The following PTPRS variants were observed in gnomAD, a reference collection of about 807,000 sequenced individuals.
PTPRS encodes receptor-type tyrosine-protein phosphatase S.
A neutral mutation model predicts 215.3 loss-of-function variants in PTPRS; 63 were observed. The observed-to-expected ratio is 0.29, with a 90% confidence interval of 0.24 to 0.36. The LOEUF is 0.36. Ranked by LOEUF, PTPRS falls within the 10% of genes least tolerant of loss-of-function variation. The probability of loss-of-function intolerance (pLI) is 1.00; values close to 1 mark genes in which losing one functional copy is unlikely to be tolerated. For synonymous variants in PTPRS, 1,404 were observed against 1,191.4 expected (o/e 1.18, Z -3.68); for missense variants, 2,258 against 2,825.8 (o/e 0.80, Z 4.56).
chr19:5,225,516 AAGTG>A (rs1256503072), intron 17 of PTPRS, among the ~76,000 whole-genome samples: 1 of 149,452 alleles, frequency 6.7e-6, no homozygotes, highest in Non-Finnish European at 1.5e-5. Context: ...GGGGGACAGG[AAGTG>A]AGTGACAAAG....
intron 1 of PTPRS, among the ~76,000 whole-genome samples, chr19:5,300,493 G>A (rs533786350): frequency 2.0e-5 from 3 of 151,822 alleles, no homozygotes; most frequent in African/African-American, 2.4e-5. Context: ...GAAGTGGGGC[G>A]GGTGTGGTGG....
intron 5 of PTPRS, among the ~76,000 whole-genome samples, chr19:5,263,700 C>A (rs2046192931): frequency 6.6e-6 from 1 of 152,246 alleles, no homozygotes; most frequent in Non-Finnish European, 1.5e-5. Flanking sequence ...ACATCCCCAC[C>A]ACGTGTGTCC....
At chr19:5,311,455 C>G (rs1600098536) in intron 1 of PTPRS, among the ~76,000 whole-genome samples, 1 of 152,274 alleles carries the variant, frequency 6.6e-6, no homozygotes, top group Middle Eastern at 3.4e-3. Flanking sequence ...AGTGATGGAG[C>G]TCTAGGCCCC....
chr19:5,254,409 A>T (rs1479801465), intron 9 of PTPRS, among the ~76,000 whole-genome samples: 4 of 136,068 alleles, frequency 2.9e-5, no homozygotes, highest in African/African-American at 5.7e-5. Flanking sequence ...ATCTACACGG[A>T]TATTTTATTG....
intron 30 of PTPRS, among the ~76,000 whole-genome samples, chr19:5,212,815 C>T (rs1010771883): frequency 8.0e-5 from 12 of 150,450 alleles, no homozygotes; most frequent in African/African-American, 2.7e-4. Context: ...TGTACTCCAG[C>T]CTGGGTGACA....
chr19:5,262,365 C>T lies in PTPRS; in HGVS notation c.577+599G>A, dbSNP rs116186049. On this transcript the variant is annotated intron_variant, in intron 6 of 37. Transcript: ENST00000262963. ...ATCCCTTAGCCATTAAAAGGTGTTC[C>T]GCCTCCCACCCTGAGAGAGATGAAG... Among the ~76,000 whole-genome samples, 310 of 152,258 alleles carry T rather than the reference C, an allele frequency of 2.0e-3. 3 individuals carry two copies. The highest frequency in any genetic ancestry group is 7.1e-3 in the African/African-American group (297 of 41,550).
chr19:5,265,278 T>C, intron 4 of PTPRS, 82 bp from the exon 5 acceptor site: 9 of 1,336,874 alleles, frequency 6.7e-6, no homozygotes, highest in Non-Finnish European at 9.3e-6. Flanking sequence ...AGGGACTGCC[T>C]GGCCACGGGT....
Position 5,205,668 on chromosome 19 carries a change from G to A in PTPRS, c.*1106C>T, listed in dbSNP as rs957301114. Among the ~76,000 whole-genome samples, 4 of 152,192 alleles carry A rather than the reference G, an allele frequency of 2.6e-5. No individual in the cohort carries two copies. The highest frequency in any genetic ancestry group is 5.9e-5 in the Non-Finnish European group (4 of 68,032). On this transcript the variant is annotated 3_prime_UTR_variant, in exon 38 of 38. Coordinates refer to ENST00000262963, the MANE Select transcript of PTPRS (RefSeq NM_002850.4). ...GCTTGCTCAGGGTAGGCGGGTAGAGGGGGGCCTGTCCTTCTGGTTTTGCTC... is the reference window on the plus strand; with the variant it reads ...GCTTGCTCAGGGTAGGCGGGTAGAGAGGGGCCTGTCCTTCTGGTTTTGCTC...
chr19:5,239,752 A>G (rs1288162255), intron 12 of PTPRS, among the ~76,000 whole-genome samples: 1 of 152,084 alleles, frequency 6.6e-6, no homozygotes, highest in Non-Finnish European at 1.5e-5. Context: ...AGACAGAGAG[A>G]CAGAAAGAGA....
chr19:5,225,536 G>A (rs2042404278), intron 17 of PTPRS, among the ~76,000 whole-genome samples, 191 bp downstream of exon 17: 1 of 150,326 alleles, frequency 6.7e-6, no homozygotes. Flanking sequence ...CAAAGGAGGA[G>A]GCAGGGGCGG....
intron 1 of PTPRS, among the ~76,000 whole-genome samples, chr19:5,316,296 A>C (rs1600108575): frequency 6.6e-6 from 1 of 152,236 alleles, no homozygotes; most frequent in African/African-American, 2.4e-5. Context: ...AATGTAAGTC[A>C]AATAAATGGT....
At chr19:5,262,272 C>T (rs919271350) in intron 6 of PTPRS, among the ~76,000 whole-genome samples, 16 of 149,988 alleles carry the variant, frequency 1.1e-4, no homozygotes, top group African/African-American at 3.9e-4. Context: ...AAGACTGTCT[C>T]AAAAAAAAAG....
chr19:5,277,652 T>G, intron 2 of PTPRS: 1 of 417,750 alleles, frequency 2.4e-6, no homozygotes, highest in Non-Finnish European at 4.4e-6. Flanking sequence ...TGAGACTCCA[T>G]CTCAAAAAAA....
At position 5,244,162 on chromosome 19, in the gene PTPRS, T is replaced by C. The variant is rs774362368; in HGVS notation, c.1309A>G (p.Met437Val). ...ACAATCATGGTGGTCGCGCTGAGCA[T>C]CCGGGCTTGCACGTTCCGCGGCGCG... ...ASAPRNVQAR[M>V]LSATTMIVQW... The change falls in exon 11 of 38, where the codon ATG (methionine) becomes GTG (valine). Residue 437 changes from methionine to valine, a missense_variant. By Grantham distance (21) the Met-to-Val change is conservative. Around this residue, in one of 6 missense-constraint regions of PTPRS, gnomAD observed 508 missense variants for 799.4 expected, o/e 0.64. Coordinates refer to ENST00000262963, the MANE Select transcript of PTPRS (RefSeq NM_002850.4). This position sits in a 1 kb window ranked among gnomAD's most constrained non-coding sequence, Gnocchi z 7.2. 5 of 1,600,978 alleles carry C rather than the reference T, an allele frequency of 3.1e-6. No individual in the cohort carries two copies.
intron 26 of PTPRS, among the ~76,000 whole-genome samples, chr19:5,216,074 C>T (rs1442886880): frequency 2.6e-5 from 4 of 152,050 alleles, no homozygotes; most frequent in Non-Finnish European, 4.4e-5. Flanking sequence ...ATCAGAGGCA[C>T]GAAATCCGCT....
At position 5,252,149 on chromosome 19, in the gene PTPRS, A is replaced by G. The variant is rs1423777036; in HGVS notation, c.718+3959T>C. Reference sequence around the variant, plus strand: ...AAAAAGAAGACCTGGGAATCGGGCAATCTAGGCCTTGCTGGTGTCACGCAG... The same window carrying G: ...AAAAAGAAGACCTGGGAATCGGGCAGTCTAGGCCTTGCTGGTGTCACGCAG... On this transcript the variant is annotated intron_variant, in intron 9 of 37. Coordinates refer to ENST00000262963, the MANE Select transcript of PTPRS (RefSeq NM_002850.4). Among the ~76,000 whole-genome samples, 12 of 152,244 alleles carry G rather than the reference A, an allele frequency of 7.9e-5. 1 individual carries two copies. Among genetic ancestry groups the G allele is most frequent in the Admixed American group, 7.9e-4 (12 of 15,286 alleles).
intron 2 of PTPRS, chr19:5,277,588 G>A (rs1190912613): frequency 3.6e-5 from 11 of 302,842 alleles, no homozygotes; most frequent in South Asian, 2.7e-4. Flanking sequence ...CCCAGGAGGC[G>A]AAGCTTGCAG....
chr19:5,282,158 G>T (rs1281142534), intron 2 of PTPRS, among the ~76,000 whole-genome samples: 1 of 151,982 alleles, frequency 6.6e-6, no homozygotes, highest in South Asian at 2.1e-4. Context: ...TGAGAAAACG[G>T]AGCTCCCAAC....
At chr19:5,333,322 A>AAT (rs1230104560) in intron 1 of PTPRS, among the ~76,000 whole-genome samples, 121 of 143,628 alleles carry the variant, frequency 8.4e-4, no homozygotes, top group African/African-American at 2.4e-3. Flanking sequence ...AAAAATAAAT[A>AAT]AATAATAATA....
Sources: allele counts gnomAD v4.1 joint callset (sites outside exome capture counted in the v4.1 genomes callset), GRCh38; gene constraint gnomAD v4.1.1; regional missense constraint gnomAD v4.1.1; non-coding constraint Gnocchi (gnomAD v3.1); transcripts MANE v1.5; gene names NCBI Gene and HGNC (gene_info 2026-07-23, HGNC 2026-07-21).